Variants in ANTXR2 observed in about 807,000 individuals in gnomAD.
ANTXR2 encodes the protein anthrax toxin receptor 2.
ANTXR2 carries 44 observed loss-of-function variants against 73.7 expected under a neutral mutation model. That is an observed-to-expected ratio of 0.60 (90% CI 0.47 to 0.77). ANTXR2 has a LOEUF of 0.77. Among genes scored for constraint, ANTXR2 ranks in the 30% least tolerant of loss-of-function variants. The probability of loss-of-function intolerance (pLI) is 0.00; values close to 1 mark genes in which losing one functional copy is unlikely to be tolerated. For missense variants in ANTXR2, 604 were observed against 592.5 expected, an observed-to-expected ratio of 1.02 and a Z score of -0.20; for synonymous variants, 217 against 205.9, an observed-to-expected ratio of 1.05 and a Z score of -0.46.
chr4:80,054,407 T>C (rs1733897503), intron 6 of ANTXR2, 55 bp from the exon 7 acceptor site: 24 of 1,258,626 alleles, frequency 1.9e-5, no homozygotes, highest in Admixed American at 4.6e-5. Context: ...TACAACAATT[T>C]ATAAACTTCG....
Position 80,025,223 on chromosome 4 carries a change from AT to A in ANTXR2, c.867-6248del, listed in dbSNP as rs1218154897. ...AGTACTATGATACACAATTTAGTAA[AT>A]AAAACTCACTAAGTCCTAATAGTCA... On this transcript the variant is annotated intron_variant, in intron 10 of 16. Transcript: ENST00000403729. Among the ~76,000 whole-genome samples the A allele has an allele frequency of 5.5e-4, 84 of 152,326 alleles. 2 individuals carry two copies. The highest frequency in any genetic ancestry group is 1.8e-4 in the Non-Finnish European group (12 of 68,024).
Position 79,907,380 on chromosome 4 carries a change from A to T in ANTXR2, c.*49T>A. 6.4e-7 allele frequency: 1 copy of T among 1,571,412 alleles called. No individual in the cohort carries two copies. On this transcript the variant is annotated 3_prime_UTR_variant, in exon 17 of 17. Transcript: ENST00000403729. Reference sequence around the variant, plus strand: ...TTTTTCATTTGGTTGAAAATCAGCTATGTGAAAATGTGCCATCTTCGTACC... The same window carrying T: ...TTTTTCATTTGGTTGAAAATCAGCTTTGTGAAAATGTGCCATCTTCGTACC...
intron 3 of ANTXR2, among the ~76,000 whole-genome samples, chr4:80,066,731 T>TATC (rs1191143495): frequency 1.4e-5 from 2 of 142,952 alleles, no homozygotes; most frequent in African/African-American, 2.6e-5. Flanking sequence ...TAGGTATTAC[T>TATC]ATCATCATCA....
intron 9 of ANTXR2, 40 bp from the exon 10 acceptor site, chr4:80,031,732 T>C (rs965372259): frequency 8.0e-7 from 1 of 1,242,432 alleles, no homozygotes; most frequent in Non-Finnish European, 1.1e-6. Context: ...AAGGGTTTTA[T>C]GCATCTCACA....
chr4:79,995,829 C>A (rs1276341674), intron 12 of ANTXR2, among the ~76,000 whole-genome samples: 1 of 151,846 alleles, frequency 6.6e-6, no homozygotes, highest in East Asian at 1.9e-4. Flanking sequence ...GAAAACGAAG[C>A]CCTCAAAGCT....
At chr4:79,978,834 A>G (rs931037339) in intron 14 of ANTXR2, among the ~76,000 whole-genome samples, 16 of 152,236 alleles carry the variant, frequency 1.1e-4, no homozygotes, top group African/African-American at 3.6e-4. Flanking sequence ...CAAACTTTTC[A>G]TCACATCTGA....
At position 79,904,819 on chromosome 4, in the gene ANTXR2, A is replaced by C. The variant is rs1477942228; in HGVS notation, c.*2610T>G. ...GAAGCTATTTCTCTATATAAAATAT[A>C]AAGTGCCATTAAATTTATAGAAATG... is the stretch of plus-strand genomic sequence containing the variant. On this transcript the variant is annotated 3_prime_UTR_variant, in exon 17 of 17. Coordinates refer to ENST00000403729, the MANE Select transcript of ANTXR2 (RefSeq NM_058172.6). 6.6e-6 allele frequency: 1 copy of C among 152,202 alleles called. No homozygotes were observed. Among genetic ancestry groups the C allele is most frequent in the African/African-American group, 2.4e-5 (1 of 41,452 alleles). 9.4% of individuals were successfully genotyped at this position (152,202 alleles called of 1,614,324 possible).
chr4:79,975,451 A>C (rs552999072), intron 16 of ANTXR2, among the ~76,000 whole-genome samples: 2 of 152,374 alleles, frequency 1.3e-5, no homozygotes, highest in South Asian at 4.1e-4. Flanking sequence ...AATTAATAGG[A>C]ATAATGAAAG....
chr4:80,067,207 CAAA>C (rs75413405), intron 3 of ANTXR2, among the ~76,000 whole-genome samples: 2 of 132,210 alleles, frequency 1.5e-5, no homozygotes, highest in Admixed American at 7.9e-5. Context: ...CTCTGTCTCA[CAAA>C]AAAAAAAAAG....
intron 3 of ANTXR2, 86 bp downstream of exon 3, chr4:80,069,350 G>C: frequency 9.4e-7 from 1 of 1,062,562 alleles, no homozygotes. Flanking sequence ...TCCACTGAGA[G>C]GCCTGAATCA....
intron 11 of ANTXR2, among the ~76,000 whole-genome samples, chr4:80,017,507 C>G (rs1731931034): frequency 7.3e-6 from 1 of 136,828 alleles, no homozygotes; most frequent in African/African-American, 2.7e-5. Context: ...CACTCAGGAG[C>G]AAGAACTAGA....
chr4:79,921,700 T>C lies in ANTXR2; in HGVS notation c.1429-14233A>G, dbSNP rs72871856. 3.7e-3 allele frequency among the ~76,000 whole-genome samples: 570 copies of C among 152,216 alleles called. 4 individuals carry two copies. The highest frequency in any genetic ancestry group is 0.013 in the African/African-American group (521 of 41,578). ...AAAAATTTTTTATGAAAAATATGCC[T>C]AAATCTTTAACTGGAAACTTAGTTA... is the stretch of plus-strand genomic sequence containing the variant. On this transcript the variant is annotated intron_variant, in intron 16 of 16. Transcript: ENST00000403729.
At position 79,918,069 on chromosome 4, in the gene ANTXR2, C is replaced by T. The variant is rs186185340; in HGVS notation, c.1429-10602G>A. 3.4e-3 allele frequency among the ~76,000 whole-genome samples: 522 copies of T among 151,610 alleles called. 5 individuals are homozygous for T. Among genetic ancestry groups the T allele is most frequent in the Admixed American group, 0.011 (168 of 15,200 alleles). On this transcript the variant is annotated intron_variant, in intron 16 of 16. Coordinates refer to ENST00000403729, the MANE Select transcript of ANTXR2 (RefSeq NM_058172.6). ...AACTAAAGAGAAAATATACAATATCCGAAATAAAAAATGTATTTGATTGGT... is the reference window on the plus strand; with the variant it reads ...AACTAAAGAGAAAATATACAATATCTGAAATAAAAAATGTATTTGATTGGT...
Position 80,033,356 on chromosome 4 carries a change from T to C in ANTXR2, c.796+116A>G, listed in dbSNP as rs894097592. 2.7e-5 allele frequency: 19 copies of C among 698,932 alleles called. No individual in the cohort carries two copies. The African/African-American group carries it at 3.4e-4, about 13-fold the overall frequency. The allele number at this position is 698,932 out of a possible 1,614,324, so 43.3% of individuals were successfully genotyped here. The stretch of plus-strand genomic sequence containing the variant: ...TGTATTATCATTCAGACTTCATTTC[T>C]TTCTTCTTAGATTAAAAAATATGTC... On this transcript the variant is annotated intron_variant, in intron 9 of 16. Coordinates refer to ENST00000403729, the MANE Select transcript of ANTXR2 (RefSeq NM_058172.6).
At chr4:79,917,674 A>T (rs1018575522) in intron 16 of ANTXR2, among the ~76,000 whole-genome samples, 3 of 152,160 alleles carry the variant, frequency 2.0e-5, no homozygotes, top group Non-Finnish European at 4.4e-5. Flanking sequence ...GCTACTAGTG[A>T]ACTAAAAATA....
At chr4:79,994,730 A>G (rs1730644373) in intron 12 of ANTXR2, among the ~76,000 whole-genome samples, 2 of 151,900 alleles carry the variant, frequency 1.3e-5, no homozygotes, top group East Asian at 1.9e-4. Context: ...TAAAATCCCC[A>G]TATGACCACT....
chr4:79,914,083 T>C (rs1727253519), intron 16 of ANTXR2, among the ~76,000 whole-genome samples: 1 of 152,126 alleles, frequency 6.6e-6, no homozygotes, highest in African/African-American at 2.4e-5. Flanking sequence ...TGAAGAGCCC[T>C]GTGAATTTTG....
intron 16 of ANTXR2, among the ~76,000 whole-genome samples, chr4:79,910,416 G>A (rs991633754): frequency 2.0e-5 from 3 of 149,336 alleles, no homozygotes; most frequent in African/African-American, 7.4e-5. Flanking sequence ...GGCTGAGGCA[G>A]GAGAATCGCT....
At chr4:80,058,246 T>C (rs1214605721) in intron 3 of ANTXR2, among the ~76,000 whole-genome samples, 1 of 152,060 alleles carries the variant, frequency 6.6e-6, no homozygotes, top group African/African-American at 2.4e-5. Context: ...CAAGGTTTTT[T>C]TTTGTACAGT....
Sources: gnomAD v4.1 joint callset for allele counts (sites outside exome capture counted in the v4.1 genomes callset) on GRCh38, gnomAD v4.1.1 for gene constraint, MANE v1.5 for transcripts, NCBI Gene and HGNC (gene_info 2026-07-23, HGNC 2026-07-21) for gene names.